PLSCR2: variants seen among roughly 807,000 people sequenced by gnomAD.
PLSCR2 encodes the protein phospholipid scramblase 2.
Under a neutral mutation model 25.3 loss-of-function variants are expected in PLSCR2, and 18 were observed. The observed-to-expected ratio is 0.71, with a 90% CI of 0.49 to 1.06. The LOEUF is 1.06. PLSCR2 is among the 50% of genes least tolerant of loss of function. PLSCR2 has a pLI of 0.00. For synonymous variants in PLSCR2, 88 were observed against 87.3 expected (o/e 1.01, Z -0.04); for missense variants, 243 against 269.5 (o/e 0.90, Z 0.69).
intron 1 of PLSCR2, among the ~76,000 whole-genome samples, chr3:146,493,968 A>G (rs886347004): frequency 1.3e-5 from 2 of 152,056 alleles, no homozygotes; most frequent in Non-Finnish European, 2.9e-5. Flanking sequence ...TGTTGATTAC[A>G]TCATGGCTAC....
chr3:146,477,003 C>T (rs1459152542), intron 1 of PLSCR2, among the ~76,000 whole-genome samples: 1 of 152,210 alleles, frequency 6.6e-6, no homozygotes, highest in Non-Finnish European at 1.5e-5. Flanking sequence ...GACCAAGGGA[C>T]AGCCAGGGTA....
At chr3:146,472,474 G>A (rs1023463245) in intron 1 of PLSCR2, among the ~76,000 whole-genome samples, 4 of 152,200 alleles carry the variant, frequency 2.6e-5, no homozygotes, top group Non-Finnish European at 5.9e-5. Context: ...CCTGGAGGCT[G>A]ACAAATCCAA....
At chr3:146,451,740 AG>A (rs1337991100) in intron 5 of PLSCR2, among the ~76,000 whole-genome samples, 1 of 152,182 alleles carries the variant, frequency 6.6e-6, no homozygotes, top group African/African-American at 2.4e-5. Flanking sequence ...ATTCACCAAT[AG>A]CCAGTGGTTT....
chr3:146,435,079 T>A (rs1367674332), intron 8 of PLSCR2, among the ~76,000 whole-genome samples: 1 of 152,056 alleles, frequency 6.6e-6, no homozygotes, highest in African/African-American at 2.4e-5. Context: ...GCTTCATCCA[T>A]GTCCCTACAA....
At chr3:146,463,017 T>C (rs2041688586), upstream of PLSCR2, among the ~76,000 whole-genome samples, 1 of 152,178 alleles carries the variant, frequency 6.6e-6, no homozygotes, top group South Asian at 2.1e-4. Flanking sequence ...AAATTTCAGG[T>C]CCTGTGGCCC....
At chr3:146,481,421 C>A (rs552978176) in intron 1 of PLSCR2, among the ~76,000 whole-genome samples, 29 of 152,322 alleles carry the variant, frequency 1.9e-4, no homozygotes, top group Middle Eastern at 3.4e-3. Flanking sequence ...AAATCACAAG[C>A]ATTCCTATAC....
chr3:146,421,129 A>G (rs993982609), intron 2 of PLSCR2, among the ~76,000 whole-genome samples: 4 of 152,084 alleles, frequency 2.6e-5, no homozygotes, highest in African/African-American at 9.7e-5. Context: ...AGGCTTGTAC[A>G]TATATATTTT....
intron 2 of PLSCR2, among the ~76,000 whole-genome samples, chr3:146,399,961 C>T (rs1235609862): frequency 6.6e-6 from 1 of 151,658 alleles, no homozygotes; most frequent in Admixed American, 6.6e-5. Flanking sequence ...AAGGACAGAA[C>T]AAGTATACTA....
chr3:146,484,335 G>C (rs1454366116), intron 1 of PLSCR2, among the ~76,000 whole-genome samples: 1 of 151,578 alleles, frequency 6.6e-6, no homozygotes, highest in East Asian at 1.9e-4. Context: ...GAAAAAGACA[G>C]AGAGAATGGA....
At chr3:146,450,201 C>T (rs935696898) in intron 5 of PLSCR2, among the ~76,000 whole-genome samples, 11 of 152,046 alleles carry the variant, frequency 7.2e-5, no homozygotes, top group Non-Finnish European at 1.6e-4. Context: ...CAACCCAAGT[C>T]AGGAATGTCA....
intron 1 of PLSCR2, among the ~76,000 whole-genome samples, chr3:146,472,191 C>A (rs1163065343): frequency 6.6e-6 from 1 of 152,078 alleles, no homozygotes; most frequent in African/African-American, 2.4e-5. Context: ...GGTTCACAGC[C>A]AATTTTTATA....
chr3:146,422,480 T>C lies in PLSCR2; in HGVS notation c.101-26559A>G, dbSNP rs138584508. On this transcript the variant is annotated intron_variant and NMD_transcript_variant, in intron 2 of 3. Coordinates refer to the PLSCR2 transcript ENST00000463633. ...AGAGAGGACAGGGACAGCAACCTAA[T>C]TGAAGACAGCTATGACTGGTGTTAT... 3.8e-3 allele frequency among the ~76,000 whole-genome samples: 580 copies of C among 152,258 alleles called. 4 individuals are homozygous for C. Among genetic ancestry groups the C allele is most frequent in the African/African-American group, 0.013 (561 of 41,564 alleles).
intron 3 of PLSCR2, among the ~76,000 whole-genome samples, chr3:146,394,754 C>A (rs916163330): frequency 5.3e-5 from 8 of 152,142 alleles, no homozygotes; most frequent in Non-Finnish European, 1.5e-5. Context: ...GGGTGTCCAC[C>A]CAAATCTTAA....
chr3:146,393,624 C>T (rs893372602), intron 3 of PLSCR2, among the ~76,000 whole-genome samples: 2 of 151,682 alleles, frequency 1.3e-5, no homozygotes, highest in South Asian at 4.2e-4. Flanking sequence ...TCCTGGCCAA[C>T]ATGGTGAAAC....
chr3:146,394,989 C>G (rs143701535), intron 3 of PLSCR2, among the ~76,000 whole-genome samples: 107 of 152,310 alleles, frequency 7.0e-4, no homozygotes, highest in African/African-American at 2.4e-3. Flanking sequence ...CTTCACCTTC[C>G]ACCATAATTG....
chr3:146,468,209 C>G (rs1193401699), intron 1 of PLSCR2, among the ~76,000 whole-genome samples: 1 of 152,214 alleles, frequency 6.6e-6, no homozygotes, highest in African/African-American at 2.4e-5. Context: ...GCAATCCACT[C>G]ATTTTCCTTT....
At chr3:146,464,204 CTAACTA>C (rs1162554097), upstream of PLSCR2, among the ~76,000 whole-genome samples, 1 of 152,130 alleles carries the variant, frequency 6.6e-6, no homozygotes, top group East Asian at 1.9e-4. Context: ...CTAGGGTAGA[CTAACTA>C]GGGTAACTAG....
At chr3:146,393,997 GT>G (rs1393780430) in intron 3 of PLSCR2, among the ~76,000 whole-genome samples, 1 of 151,904 alleles carries the variant, frequency 6.6e-6, no homozygotes, top group Non-Finnish European at 1.5e-5. Context: ...ATATTTTGAA[GT>G]TAATATTACA....
downstream of PLSCR2, among the ~76,000 whole-genome samples, chr3:146,440,625 G>C (rs1226704020): frequency 6.6e-6 from 1 of 152,020 alleles, no homozygotes; most frequent in Non-Finnish European, 1.5e-5. Flanking sequence ...TGGAAAAGCT[G>C]AAATCATCCA....
Sources: allele counts gnomAD v4.1 joint callset (sites outside exome capture counted in the v4.1 genomes callset), GRCh38; gene constraint gnomAD v4.1.1; transcripts MANE v1.5; gene names NCBI Gene and HGNC (gene_info 2026-07-23, HGNC 2026-07-21).